Variants in FAM168B observed in about 807,000 individuals in gnomAD.
The protein encoded by FAM168B is myelin-associated neurite-outgrowth inhibitor.
In FAM168B, 19 loss-of-function variants were observed where a neutral mutation model predicts 21.8. The ratio of observed to expected loss-of-function variants is 0.87; its 90% confidence interval spans 0.61 to 1.28. FAM168B has a LOEUF of 1.28. Ranked by LOEUF, FAM168B falls within the 50% of genes most tolerant of loss-of-function variation. The pLI is 0.00. For missense variants in FAM168B, 233 were observed against 263.1 expected (o/e 0.89, Z 0.79); for synonymous variants, 126 against 104.8 (o/e 1.20, Z -1.24).
Position 131,049,523 on chromosome 2 carries a change from G to T in FAM168B, c.*2942C>A. 1.0e-6 allele frequency: 1 copy of T among 985,428 alleles called. No individual in the cohort carries two copies. The highest frequency in any genetic ancestry group is 1.2e-6 in the Non-Finnish European group (1 of 829,950). The allele number at this position is 985,428 out of a possible 1,614,324, so 61.0% of individuals were successfully genotyped here. A position where few individuals can be genotyped will look rare whatever the true frequency, so the allele number is the denominator to read the frequency against. ...GCCCTCACAGAGCGGCAAGTTCATGGGTCACTGGCTCACACTAAATGCTCA... is the reference window on the plus strand; with the variant it reads ...GCCCTCACAGAGCGGCAAGTTCATGTGTCACTGGCTCACACTAAATGCTCA... On this transcript the variant is annotated 3_prime_UTR_variant, in exon 7 of 7. Transcript: ENST00000389915.
rs11293154 is a variant in FAM168B at position 131,051,483 on chromosome 2, GAA to G, written c.*980_*981del. The stretch of plus-strand genomic sequence containing the variant: ...TCAGCTGATTCAAACATTTCTCCAG[GAA>G]AAAAAAAAAAAAAGGAATGATTTTC... On this transcript the variant is annotated 3_prime_UTR_variant, in exon 7 of 7. Coordinates refer to ENST00000389915, the MANE Select transcript of FAM168B (RefSeq NM_001009993.4). 3,148 of 894,960 alleles carry G rather than the reference GAA, an allele frequency of 3.5e-3. No individual in the cohort carries two copies. Among genetic ancestry groups the G allele is most frequent in the African/African-American group, 9.9e-3 (510 of 51,610 alleles). 55.4% of individuals were successfully genotyped at this position (894,960 alleles called of 1,614,324 possible).
intron 2 of FAM168B, 21 bp from the exon 3 acceptor site, chr2:131,071,959 A>T (rs372049303): frequency 1.6e-5 from 25 of 1,601,906 alleles, no homozygotes; most frequent in Non-Finnish European, 2.1e-5. Context: ...ATAAAGAACA[A>T]TCTCATGTCA....
chr2:131,057,965 G>A lies in FAM168B; in HGVS notation c.155-2270C>T, dbSNP rs572840969. ...CATGCCCCAGCCACCCGAGTAGCTG[G>A]GATTGCAGGCATGTGCCACCACATC... On this transcript the variant is annotated intron_variant, in intron 3 of 6. Coordinates refer to ENST00000389915, the MANE Select transcript of FAM168B (RefSeq NM_001009993.4). Among the ~76,000 whole-genome samples the A allele has an allele frequency of 6.6e-5, 10 of 152,124 alleles. 1 individual carries two copies. The South Asian group carries it at 1.9e-3, about 28-fold the overall frequency.
intron 3 of FAM168B, among the ~76,000 whole-genome samples, chr2:131,065,807 G>GAAAAAAAAAAAAAAAAAAAAAAA (rs796177546): frequency 1.1e-5 from 1 of 94,852 alleles, no homozygotes; most frequent in Non-Finnish European, 2.3e-5. Context: ...AAGAAAAAAA[G>GAAAAAAAAAAAAAAAAAAAAAAA]AAAAAAAAAA....
intron 1 of FAM168B, among the ~76,000 whole-genome samples, chr2:131,092,498 A>T (rs1202457871): frequency 6.6e-6 from 1 of 152,248 alleles, no homozygotes; most frequent in Non-Finnish European, 1.5e-5. Context: ...AAGTTTAAGG[A>T]GTGGAAACTA....
intron 2 of FAM168B, among the ~76,000 whole-genome samples, chr2:131,075,274 TTA>T (rs756437703): frequency 2.8e-5 from 4 of 141,770 alleles, no homozygotes; most frequent in Non-Finnish European, 3.0e-5. Flanking sequence ...TTTCCTTCTT[TTA>T]AAAAAAAAAA....
intron 3 of FAM168B, among the ~76,000 whole-genome samples, chr2:131,062,541 G>A (rs973170868): frequency 5.3e-5 from 8 of 152,138 alleles, no homozygotes; most frequent in East Asian, 1.9e-4. Context: ...TCTGCCTCCC[G>A]GGTTCAAGCG....
At chr2:131,057,498 G>A (rs969205252) in intron 3 of FAM168B, among the ~76,000 whole-genome samples, 2 of 152,186 alleles carry the variant, frequency 1.3e-5, no homozygotes, top group South Asian at 2.1e-4. Context: ...CGAAGAAAGC[G>A]TTCTGGGATG....
chr2:131,055,241 T>C (rs760910629), intron 5 of FAM168B, 31 bp downstream of exon 5: 5 of 1,507,998 alleles, frequency 3.3e-6, no homozygotes, highest in Non-Finnish European at 4.4e-6. Context: ...GGGTACACCA[T>C]AGGACAGACA....
chr2:131,074,198 G>A (rs1240313015), intron 2 of FAM168B, among the ~76,000 whole-genome samples: 6 of 152,036 alleles, frequency 3.9e-5, no homozygotes, highest in Non-Finnish European at 8.8e-5. Flanking sequence ...GCGTGATCTC[G>A]GCTCACTGCA....
intron 1 of FAM168B, among the ~76,000 whole-genome samples, chr2:131,089,266 G>A (rs111226895): frequency 2.0e-5 from 3 of 150,558 alleles, no homozygotes; most frequent in Non-Finnish European, 2.9e-5. Flanking sequence ...GCACCGGGCC[G>A]AGCTTACCAC....
chr2:131,075,537 C>T (rs1693104629), intron 2 of FAM168B, among the ~76,000 whole-genome samples: 1 of 147,642 alleles, frequency 6.8e-6, no homozygotes, highest in Non-Finnish European at 1.5e-5. Flanking sequence ...CTCTGTCGCC[C>T]AGGCTGGAAT....
In FAM168B at chr2:131,049,463, C is replaced by T. The variant is rs1691515318; in HGVS notation, c.*3002G>A. On this transcript the variant is annotated 3_prime_UTR_variant, in exon 7 of 7. Transcript: ENST00000389915. ...GAGACATAAAAGGTTCTGGAAGTGC[C>T]TTCAGGCCCATTACCATGACTGGCC... 5 of 985,404 alleles carry T rather than the reference C, an allele frequency of 5.1e-6. No homozygotes were observed. In the South Asian group the frequency reaches 1.9e-4, roughly 37 times the overall value. The allele number at this position is 985,404 out of a possible 1,614,324, so 61.0% of individuals were successfully genotyped here.
chr2:131,084,119 T>G (rs1693562798), intron 1 of FAM168B, among the ~76,000 whole-genome samples: 1 of 151,872 alleles, frequency 6.6e-6, no homozygotes, highest in Admixed American at 6.6e-5. Flanking sequence ...GCCAGGATGG[T>G]CTCATCTCTT....
Position 131,050,025 on chromosome 2 carries a change from G to T in FAM168B, c.*2440C>A, listed in dbSNP as rs1257031029. 1 of 985,356 alleles carries T rather than the reference G, an allele frequency of 1.0e-6. No homozygotes were observed. Among genetic ancestry groups the T allele is most frequent in the African/African-American group, 1.7e-5 (1 of 57,254 alleles). 61.0% of individuals were successfully genotyped at this position (985,356 alleles called of 1,614,324 possible). On this transcript the variant is annotated 3_prime_UTR_variant, in exon 7 of 7. Coordinates refer to ENST00000389915, the MANE Select transcript of FAM168B (RefSeq NM_001009993.4). ...GTCAGAAAGATTTCTGCACGGATGT[G>T]CAATGCAAACTTATTTCATAAAGCC...
chr2:131,067,988 G>GT (rs1483014409), intron 3 of FAM168B, among the ~76,000 whole-genome samples: 1 of 152,060 alleles, frequency 6.6e-6, no homozygotes, highest in African/African-American at 2.4e-5. Context: ...GAAAAAGGCT[G>GT]TAACTGTACC....
chr2:131,086,656 A>C (rs1693714836), intron 1 of FAM168B, among the ~76,000 whole-genome samples: 1 of 152,232 alleles, frequency 6.6e-6, no homozygotes, highest in Non-Finnish European at 1.5e-5. Context: ...TTTTTAGTTT[A>C]ATTAACTTCA....
chr2:131,068,264 T>C (rs1324784525), intron 3 of FAM168B, among the ~76,000 whole-genome samples: 2 of 152,168 alleles, frequency 1.3e-5, no homozygotes, highest in African/African-American at 4.8e-5. Context: ...GTTCAAGTGA[T>C]TCTCCTGCCT....
chr2:131,062,073 C>G (rs773099457), intron 3 of FAM168B, among the ~76,000 whole-genome samples: 1 of 152,226 alleles, frequency 6.6e-6, no homozygotes, highest in Non-Finnish European at 1.5e-5. Context: ...AATAAACCCA[C>G]GACCCACATC....
Sources: allele counts gnomAD v4.1 joint callset (sites outside exome capture counted in the v4.1 genomes callset), GRCh38; gene constraint gnomAD v4.1.1; transcripts MANE v1.5; gene names NCBI Gene and HGNC (gene_info 2026-07-23, HGNC 2026-07-21).